The following PTPN13 variants were observed in gnomAD, a reference collection of about 807,000 sequenced individuals.
The protein encoded by PTPN13 is protein tyrosine phosphatase non-receptor type 13, also known as tyrosine-protein phosphatase non-receptor type 13.
PTPN13 carries 191 observed loss-of-function variants against 284.0 expected under a neutral mutation model. The ratio of observed to expected loss-of-function variants is 0.67; its 90% CI spans 0.60 to 0.76. PTPN13 has a LOEUF of 0.76. PTPN13 is among the 30% of genes least tolerant of loss of function. The pLI is 0.00. For synonymous variants in PTPN13, 986 were observed against 1,022.3 expected, an observed-to-expected ratio of 0.96 and a Z score of 0.68; for missense variants, 2,797 against 2,939.9, an observed-to-expected ratio of 0.95 and a Z score of 1.12.
intron 15 of PTPN13, among the ~76,000 whole-genome samples, chr4:86,738,611 A>G (rs1735793709): frequency 6.6e-6 from 1 of 152,184 alleles, no homozygotes; most frequent in South Asian, 2.1e-4. Context: ...TCTGGATACA[A>G]GTCTTTTATC....
chr4:86,604,291 C>G (rs546361979), intron 1 of PTPN13, among the ~76,000 whole-genome samples: 2 of 151,934 alleles, frequency 1.3e-5, no homozygotes, highest in Non-Finnish European at 2.9e-5. Context: ...AAGCTTTATT[C>G]CTGAATTATA....
chr4:86,806,555 A>G lies in PTPN13; in HGVS notation c.6746-1005A>G, dbSNP rs547729445. Among the ~76,000 whole-genome samples, 213 of 152,350 alleles carry G rather than the reference A, an allele frequency of 1.4e-3. 2 individuals carry two copies. The highest frequency in any genetic ancestry group is 4.9e-3 in the African/African-American group (202 of 41,588). On this transcript the variant is annotated intron_variant, in intron 44 of 47. Coordinates refer to ENST00000411767, the MANE Select transcript of PTPN13 (RefSeq NM_080683.3). ...ATCAGATCACTGTTTGGCATAAAGT[A>G]TATGGGAGTTATTTTAGACAGCAAA...
chr4:86,810,171 G>A (rs538558914), intron 46 of PTPN13, among the ~76,000 whole-genome samples, 187 bp downstream of exon 46: 30 of 152,128 alleles, frequency 2.0e-4, no homozygotes, highest in Admixed American at 1.6e-3. Context: ...TACATAGACC[G>A]TGATCAACAA....
At chr4:86,715,346 A>T (rs1732898907) in intron 7 of PTPN13, among the ~76,000 whole-genome samples, 1 of 152,062 alleles carries the variant, frequency 6.6e-6, no homozygotes, top group Non-Finnish European at 1.5e-5. Context: ...TCTTTTATAT[A>T]TTGTGTGTAT....
chr4:86,798,535 T>C (rs1458843759), intron 41 of PTPN13, among the ~76,000 whole-genome samples: 1 of 152,136 alleles, frequency 6.6e-6, no homozygotes, highest in Non-Finnish European at 1.5e-5. Context: ...TAAACACCGT[T>C]CTCCTACCTA....
intron 1 of PTPN13, among the ~76,000 whole-genome samples, chr4:86,613,715 C>T (rs1030105824): frequency 6.6e-6 from 1 of 151,592 alleles, no homozygotes; most frequent in Non-Finnish European, 1.5e-5. Flanking sequence ...TAAAGGTCAA[C>T]CTTGCGAGCA....
intron 40 of PTPN13, among the ~76,000 whole-genome samples, chr4:86,790,893 G>A (rs1742553197): frequency 1.3e-5 from 2 of 152,180 alleles, no homozygotes; most frequent in South Asian, 4.2e-4. Context: ...GACCGAATAG[G>A]AACAGCTCCA....
chr4:86,762,391 CA>C (rs1738801492), intron 23 of PTPN13, among the ~76,000 whole-genome samples: 1 of 151,734 alleles, frequency 6.6e-6, no homozygotes, highest in South Asian at 2.1e-4. Flanking sequence ...AGTAAGTGTG[CA>C]AATAACTATT....
At chr4:86,616,081 TTTA>T (rs999252718) in intron 1 of PTPN13, among the ~76,000 whole-genome samples, 2 of 152,154 alleles carry the variant, frequency 1.3e-5, no homozygotes, top group African/African-American at 4.8e-5. Flanking sequence ...GAGATTTGAG[TTTA>T]TTGTCATTCA....
chr4:86,770,279 CATG>C, intron 30 of PTPN13, 80 bp downstream of exon 30: 1 of 1,315,340 alleles, frequency 7.6e-7, no homozygotes, highest in Non-Finnish European at 1.1e-6. Flanking sequence ...GTGGTTTCAT[CATG>C]AATTGTTCTC....
chr4:86,713,887 G>T (rs1434270081), intron 7 of PTPN13, among the ~76,000 whole-genome samples: 1 of 151,652 alleles, frequency 6.6e-6, no homozygotes, highest in Non-Finnish European at 1.5e-5. Context: ...TTCTTTTTCT[G>T]TTAAGAATCT....
At chr4:86,641,246 G>T (rs1278300354) in intron 2 of PTPN13, among the ~76,000 whole-genome samples, 1 of 152,128 alleles carries the variant, frequency 6.6e-6, no homozygotes, top group Non-Finnish European at 1.5e-5. Context: ...ATAACACTGG[G>T]AGTGGCGGGG....
chr4:86,701,751 G>C lies in PTPN13; in HGVS notation c.1145G>C (p.Arg382Pro). The change falls in exon 7 of 48, where the codon CGA (arginine) becomes CCA (proline). Residue 382 changes from arginine to proline, a missense_variant. Physicochemically the swap from Arg to Pro is moderately radical, Grantham distance 103 (BLOSUM62 -2). Coordinates refer to ENST00000411767, the MANE Select transcript of PTPN13 (RefSeq NM_080683.3). ...SAISSALDRI[R>P]ERQKKLQVLR... ...ATATCAAGTGCTTTGGACCGAATCC[G>C]AGAGAGACAAAAGAAACTTCAGGTT... is the stretch of plus-strand genomic sequence containing the variant. The C allele has an allele frequency of 2.5e-6, 4 of 1,613,428 alleles. No homozygotes were observed. The highest frequency in any genetic ancestry group is 3.4e-6 in the Non-Finnish European group (4 of 1,179,610).
Position 86,688,980 on chromosome 4 carries a change from T to C in PTPN13, c.361-25T>C, listed in dbSNP as rs779814217. ...AAAATATTTGCTCACATTTACTCACTGGCTTTTCCTTTATTTATATTCAGC... is the reference window on the plus strand; with the variant it reads ...AAAATATTTGCTCACATTTACTCACCGGCTTTTCCTTTATTTATATTCAGC... On this transcript the variant is annotated intron_variant, in intron 4 of 47. Transcript: ENST00000411767. 5 of 1,520,394 alleles carry C rather than the reference T, an allele frequency of 3.3e-6. No individual in the cohort carries two copies. The African/African-American group carries it at 5.5e-5, about 17-fold the overall frequency. The allele number at this position is 1,520,394 out of a possible 1,614,324, so 94.2% of individuals were successfully genotyped here.
intron 15 of PTPN13, among the ~76,000 whole-genome samples, chr4:86,740,156 T>C (rs1736006977): frequency 6.6e-6 from 1 of 152,170 alleles, no homozygotes; most frequent in Non-Finnish European, 1.5e-5. Context: ...GTGGCCCTCT[T>C]CTCACAGCTC....
At chr4:86,738,520 G>A (rs1735783374) in intron 15 of PTPN13, among the ~76,000 whole-genome samples, 1 of 152,016 alleles carries the variant, frequency 6.6e-6, no homozygotes, top group African/African-American at 2.4e-5. Context: ...CTTTATTGAT[G>A]TGTCAAATAA....
At chr4:86,688,681 G>T (rs1342910493) in intron 4 of PTPN13, among the ~76,000 whole-genome samples, 1 of 152,096 alleles carries the variant, frequency 6.6e-6, no homozygotes, top group Non-Finnish European at 1.5e-5. Context: ...GTGTATGTTT[G>T]TGTGTGCGTG....
intron 11 of PTPN13, 26 bp from the exon 12 acceptor site, chr4:86,732,566 A>C: frequency 6.2e-7 from 1 of 1,601,862 alleles, no homozygotes; most frequent in Non-Finnish European, 8.5e-7. Context: ...TATTTTAATA[A>C]ATGCCGTTTA....
rs1337715411 is a variant in PTPN13, at chr4:86,772,959, G to A, written c.5349+1G>A. On this transcript the variant is annotated splice_donor_variant, in intron 32 of 47. Transcript: ENST00000411767. LOFTEE classifies it high-confidence loss of function. ...AAATCACCTTGAAGACTTTGAACTG[G>A]TAAGTTGTTTTCTCTATATTTAAAA... 6.4e-7 allele frequency: 1 copy of A among 1,561,716 alleles called. No individual in the cohort carries two copies. Among genetic ancestry groups the A allele is most frequent in the Non-Finnish European group, 8.7e-7 (1 of 1,154,506 alleles).
Sources: gnomAD v4.1 joint callset for allele counts (sites outside exome capture counted in the v4.1 genomes callset) on GRCh38, gnomAD v4.1.1 for gene constraint, MANE v1.5 for transcripts, NCBI Gene and HGNC (gene_info 2026-07-23, HGNC 2026-07-21) for gene names.